The following ABCB5 variants were observed in gnomAD, a reference collection of about 807,000 sequenced individuals.
ABCB5 encodes ATP binding cassette subfamily B member 5, also known as ATP-binding cassette sub-family B member 5.
In ABCB5, 155 loss-of-function variants were observed where a neutral mutation model predicts 144.2. The observed-to-expected ratio is 1.08, with a 90% CI of 0.94 to 1.23. ABCB5 has a LOEUF of 1.23. Among genes scored for constraint, ABCB5 ranks in the 50% most tolerant of loss-of-function variants. The pLI is 0.00. For synonymous variants in ABCB5, 610 were observed against 528.6 expected (o/e 1.15, Z -2.11); for missense variants, 1,830 against 1,520.8 (o/e 1.20, Z -3.38).
chr7:20,669,466 C>G (rs1785384992), intron 14 of ABCB5, among the ~76,000 whole-genome samples: 1 of 134,340 alleles, frequency 7.4e-6, no homozygotes, highest in Admixed American at 7.6e-5. Context: ...GCTGTGTCCA[C>G]TCAGGGTTAA....
chr7:20,646,920 T>C (rs1164634222), intron 9 of ABCB5, among the ~76,000 whole-genome samples: 1 of 152,218 alleles, frequency 6.6e-6, no homozygotes, highest in East Asian at 1.9e-4. Context: ...TCATCCTTGC[T>C]CCTCAATTTA....
intron 13 of ABCB5, among the ~76,000 whole-genome samples, chr7:20,656,870 A>T (rs942888956): frequency 6.6e-6 from 1 of 151,774 alleles, no homozygotes; most frequent in Non-Finnish European, 1.5e-5. Flanking sequence ...CAGCAGTTGA[A>T]TGAACAAATT....
chr7:20,670,373 T>TAA (rs35195169), intron 14 of ABCB5, among the ~76,000 whole-genome samples: 1 of 118,310 alleles, frequency 8.5e-6, no homozygotes, highest in Non-Finnish European at 1.7e-5. Flanking sequence ...AAAGCTATTC[T>TAA]AAAAAAAGAA....
chr7:20,728,867 T>C (rs1258903592), intron 23 of ABCB5, among the ~76,000 whole-genome samples: 1 of 152,234 alleles, frequency 6.6e-6, no homozygotes, highest in Non-Finnish European at 1.5e-5. Flanking sequence ...TTAAATCACA[T>C]ATGTGGAAAA....
intron 19 of ABCB5, among the ~76,000 whole-genome samples, chr7:20,700,409 G>T (rs1208311802): frequency 6.6e-6 from 1 of 152,192 alleles, no homozygotes; most frequent in African/African-American, 2.4e-5. Flanking sequence ...TTCTTTTAAT[G>T]AATGATGTAG....
chr7:20,619,248 T>C (rs1479439221), intron 1 of ABCB5, among the ~76,000 whole-genome samples: 2 of 152,196 alleles, frequency 1.3e-5, no homozygotes, highest in Admixed American at 1.3e-4. Context: ...TTTAAGTTCT[T>C]TGAGAAATCA....
chr7:20,659,327 G>C, intron 14 of ABCB5: 1 of 1,392,264 alleles, frequency 7.2e-7, no homozygotes, highest in African/African-American at 1.4e-5. Flanking sequence ...ATAAACCAGA[G>C]CCTTCAGACC....
chr7:20,700,084 A>C lies in ABCB5; in HGVS notation c.2286A>C (p.Glu762Asp), dbSNP rs1254574986. The change falls in exon 19 of 28, where the codon GAA (glutamate) becomes GAC (aspartate). Residue 762 changes from glutamate to aspartate, a missense_variant. By Grantham distance (45) the Glu-to-Asp change is conservative. Coordinates refer to ENST00000404938, the MANE Select transcript of ABCB5 (RefSeq NM_001163941.2). ...MQGLFYGRAGEILTMRLRHLA... is the reference protein window; with the variant it reads ...MQGLFYGRAGDILTMRLRHLA... ...GATTATTTTACGGCAGAGCAGGGGA[A>C]ATTTTAACGATGAGATTAAGACACT... The C allele has an allele frequency of 6.2e-7, 1 of 1,613,846 alleles. No individual in the cohort carries two copies. Among genetic ancestry groups the C allele is most frequent in the Admixed American group, 1.7e-5 (1 of 60,020 alleles).
chr7:20,705,664 G>T (rs951658426), intron 20 of ABCB5, among the ~76,000 whole-genome samples: 1 of 152,100 alleles, frequency 6.6e-6, no homozygotes. Flanking sequence ...AATCTTACAA[G>T]TATTTATTCT....
At chr7:20,661,453 G>C (rs1420641084) in intron 14 of ABCB5, among the ~76,000 whole-genome samples, 1 of 152,054 alleles carries the variant, frequency 6.6e-6, no homozygotes, top group Non-Finnish European at 1.5e-5. Context: ...ACAGCCAACA[G>C]ATATTGTTGG....
intron 14 of ABCB5, among the ~76,000 whole-genome samples, chr7:20,674,228 G>T (rs1490945354): frequency 4.6e-5 from 7 of 151,818 alleles, no homozygotes; most frequent in Admixed American, 4.6e-4. Flanking sequence ...AATTTCCAGT[G>T]TTCTTCATTC....
In ABCB5 at chr7:20,658,586, A is replaced by T; in HGVS notation, c.1617A>T (p.Leu539Phe). 6.2e-7 allele frequency: 1 copy of T among 1,614,206 alleles called. No individual in the cohort carries two copies. Among genetic ancestry groups the T allele is most frequent in the Non-Finnish European group, 8.5e-7 (1 of 1,180,034 alleles). ...AGAGGATCGCAATTGCTCGTGCCTT[A>T]GTTCGAAACCCCAAGATTCTGATTT... The part of the protein sequence containing the change: ...QKQRIAIARA[L>F]VRNPKILILD... The change falls in exon 14 of 28, where the codon TTA (leucine) becomes TTT (phenylalanine). Residue 539 changes from leucine (L) to phenylalanine (F), a missense_variant. Leu to Phe is a conservative substitution (Grantham distance 22). Coordinates refer to ENST00000404938, the MANE Select transcript of ABCB5 (RefSeq NM_001163941.2).
chr7:20,697,213 C>A (rs1290213513), intron 16 of ABCB5, among the ~76,000 whole-genome samples: 1 of 152,070 alleles, frequency 6.6e-6, no homozygotes, highest in Admixed American at 6.5e-5. Flanking sequence ...TGTGGGTTAG[C>A]CACCCTGAAA....
intron 16 of ABCB5, among the ~76,000 whole-genome samples, chr7:20,694,703 C>G (rs945025751): frequency 1.3e-5 from 2 of 152,018 alleles, no homozygotes; most frequent in Non-Finnish European, 2.9e-5. Flanking sequence ...GGAATCTACA[C>G]ATACACACAC....
intron 21 of ABCB5, among the ~76,000 whole-genome samples, chr7:20,724,933 T>A (rs550328054): frequency 2.0e-5 from 3 of 152,298 alleles, no homozygotes; most frequent in Admixed American, 2.0e-4. Flanking sequence ...TAGCAAATAT[T>A]CGCCTCAGAG....
At position 20,666,616 on chromosome 7, in the gene ABCB5, T is replaced by C. The variant is rs183652344; in HGVS notation, c.1707+7940T>C. 986 of 1,086,832 alleles carry C rather than the reference T, an allele frequency of 9.1e-4. 1 individual carries two copies. The highest frequency in any genetic ancestry group is 1.2e-3 in the Non-Finnish European group (940 of 806,262). The allele number at this position is 1,086,832 out of a possible 1,614,324, so 67.3% of individuals were successfully genotyped here. On this transcript the variant is annotated intron_variant, in intron 14 of 27. Coordinates refer to ENST00000404938, the MANE Select transcript of ABCB5 (RefSeq NM_001163941.2). ...TGGAATTGTAAAGTAATCTGAAAAA[T>C]GTCAGCAAAGTGTCAAGTAGAGACC...
chr7:20,628,216 T>C (rs1783951689), intron 3 of ABCB5, among the ~76,000 whole-genome samples: 1 of 151,990 alleles, frequency 6.6e-6, no homozygotes, highest in Non-Finnish European at 1.5e-5. Context: ...TGTCCATGTG[T>C]TCTCATTGTT....
chr7:20,646,647 T>C (rs567833427), intron 9 of ABCB5, among the ~76,000 whole-genome samples: 6 of 152,356 alleles, frequency 3.9e-5, no homozygotes, highest in East Asian at 3.9e-4. Flanking sequence ...TAAATTCTTA[T>C]GGGTTATGTG....
intron 23 of ABCB5, among the ~76,000 whole-genome samples, chr7:20,730,574 A>C (rs1782176690): frequency 6.6e-6 from 1 of 152,220 alleles, no homozygotes; most frequent in Non-Finnish European, 1.5e-5. Context: ...CCTAGCCTCT[A>C]AAATAGTGTG....
Sources: gnomAD v4.1 joint callset for allele counts (sites outside exome capture counted in the v4.1 genomes callset) on GRCh38, gnomAD v4.1.1 for gene constraint, MANE v1.5 for transcripts, NCBI Gene and HGNC (gene_info 2026-07-23, HGNC 2026-07-21) for gene names.